Variants in MMS22L observed in about 807,000 individuals in gnomAD.
The protein encoded by MMS22L is protein MMS22-like.
MMS22L carries 74 observed loss-of-function variants against 159.1 expected under a neutral mutation model. That is an observed-to-expected ratio of 0.47 (90% CI 0.39 to 0.56). The LOEUF is 0.56. Ranked by LOEUF, MMS22L falls within the 20% of genes least tolerant of loss-of-function variation. The probability of loss-of-function intolerance (pLI) is 0.00; values close to 1 mark genes in which losing one functional copy is unlikely to be tolerated. For synonymous variants in MMS22L, 517 were observed against 506.9 expected (o/e 1.02, Z -0.27); for missense variants, 1,351 against 1,422.1 (o/e 0.95, Z 0.80).
At chr6:97,175,874 C>T (rs969959927) in intron 18 of MMS22L, among the ~76,000 whole-genome samples, 3 of 152,110 alleles carry the variant, frequency 2.0e-5, no homozygotes, top group African/African-American at 7.2e-5. Flanking sequence ...AAAATGTCTG[C>T]CAAATAGCCA....
chr6:97,171,217 A>C (rs1456607865), intron 19 of MMS22L, among the ~76,000 whole-genome samples: 1 of 152,176 alleles, frequency 6.6e-6, no homozygotes, highest in Non-Finnish European at 1.5e-5. Flanking sequence ...AATGGGAATA[A>C]AAAATTCAAG....
chr6:97,189,377 T>C (rs1805610281), intron 14 of MMS22L, among the ~76,000 whole-genome samples: 1 of 149,934 alleles, frequency 6.7e-6, no homozygotes, highest in Admixed American at 6.7e-5. Context: ...CTGGGCAACA[T>C]AGTGAAACCC....
At chr6:97,263,508 A>G (rs909345662) in intron 8 of MMS22L, 60 bp from the exon 9 acceptor site, 19 of 763,158 alleles carry the variant, frequency 2.5e-5, no homozygotes, top group Non-Finnish European at 3.1e-5. Context: ...TAAATGCCAT[A>G]TATCTTTCAA....
intron 14 of MMS22L, among the ~76,000 whole-genome samples, chr6:97,203,309 A>T (rs987796275): frequency 1.2e-4 from 18 of 150,160 alleles, no homozygotes; most frequent in South Asian, 4.2e-4. Context: ...TTATTTATTT[A>T]TTTTTTTTAC....
At position 97,251,605 on chromosome 6, in the gene MMS22L, CCTTTT is replaced by C. The variant is rs1328832642; in HGVS notation, c.1119+2947_1119+2951del. 5.3e-5 allele frequency among the ~76,000 whole-genome samples: 8 copies of C among 152,306 alleles called. 1 individual carries two copies. The South Asian group carries it at 1.2e-3, about 24-fold the overall frequency. On this transcript the variant is annotated intron_variant, in intron 10 of 24. Coordinates refer to ENST00000683635, the MANE Select transcript of MMS22L (RefSeq NM_001350599.2). ...ATCCTTTTTCTATTAATTATCACAGCCTTTTCTTTTAAAACCTTCTACATAAAATA... is the reference window on the plus strand; with the variant it reads ...ATCCTTTTTCTATTAATTATCACAGCCTTTTAAAACCTTCTACATAAAATA...
At chr6:97,175,005 G>A (rs1298396590) in intron 18 of MMS22L, among the ~76,000 whole-genome samples, 2 of 152,076 alleles carry the variant, frequency 1.3e-5, no homozygotes, top group Non-Finnish European at 2.9e-5. Flanking sequence ...CCCTTGACTA[G>A]ACGTTCTCAA....
chr6:97,243,560 A>G (rs2128033617), intron 11 of MMS22L, among the ~76,000 whole-genome samples: 1 of 152,142 alleles, frequency 6.6e-6, no homozygotes, highest in African/African-American at 2.4e-5. Flanking sequence ...TTAAGAATCG[A>G]CCTTTAGAAC....
intron 14 of MMS22L, among the ~76,000 whole-genome samples, chr6:97,198,354 T>A (rs940664814): frequency 6.6e-6 from 1 of 152,118 alleles, no homozygotes; most frequent in Admixed American, 6.6e-5. Flanking sequence ...GACATTGAAT[T>A]AGAGTTACTT....
At chr6:97,213,607 ATCT>A (rs1333373675) in intron 14 of MMS22L, among the ~76,000 whole-genome samples, 3 of 152,274 alleles carry the variant, frequency 2.0e-5, no homozygotes, top group African/African-American at 7.2e-5. Flanking sequence ...AATGAGTTTC[ATCT>A]TCTACTACAT....
chr6:97,282,528 T>G lies in MMS22L; in HGVS notation c.-51A>C, dbSNP rs1026349320. On this transcript the variant is annotated 5_prime_UTR_variant, in exon 2 of 25. Coordinates refer to ENST00000683635, the MANE Select transcript of MMS22L (RefSeq NM_001350599.2). ...TGGGGTTCGTCGTATCATTAAGGGCTCCAAAGAGAAGGTGTGAAGAGATTC... is the reference window on the plus strand; with the variant it reads ...TGGGGTTCGTCGTATCATTAAGGGCGCCAAAGAGAAGGTGTGAAGAGATTC... 9.6e-6 allele frequency: 8 copies of G among 835,698 alleles called. No individual in the cohort carries two copies. Among genetic ancestry groups the G allele is most frequent in the Non-Finnish European group, 1.3e-5 (8 of 606,212 alleles). 51.8% of individuals were successfully genotyped at this position (835,698 alleles called of 1,614,324 possible). A position where few individuals can be genotyped will look rare whatever the true frequency, so the allele number is the denominator to read the frequency against.
At position 97,282,371 on chromosome 6, in the gene MMS22L, C is replaced by T; in HGVS notation, c.107G>A (p.Arg36Lys). 1 of 1,614,182 alleles carries T rather than the reference C, an allele frequency of 6.2e-7. No homozygotes were observed. Among genetic ancestry groups the T allele is most frequent in the Admixed American group, 1.7e-5 (1 of 60,026 alleles). ...PPYFSCAVDN[R>K]GGGKHFSGES... is the part of the protein sequence containing the mutation. ...TCCAGAAAAATGTTTTCCTCCTCCT[C>T]TGTTGTCAACAGCACAAGAAAAGTA... Residue 36 changes from arginine (R) to lysine (K), a missense_variant, in exon 2 of 25, where the codon AGA (arginine) becomes AAA (lysine). Arg to Lys is a conservative substitution (Grantham distance 26). Coordinates refer to ENST00000683635, the MANE Select transcript of MMS22L (RefSeq NM_001350599.2).
At chr6:97,256,783 T>C (rs1813861781) in intron 9 of MMS22L, among the ~76,000 whole-genome samples, 1 of 152,032 alleles carries the variant, frequency 6.6e-6, no homozygotes, top group South Asian at 2.1e-4. Flanking sequence ...AGACCCTGTC[T>C]CTACAAAAAA....
chr6:97,216,072 C>G (rs1808980793), intron 14 of MMS22L, among the ~76,000 whole-genome samples: 1 of 152,144 alleles, frequency 6.6e-6, no homozygotes, highest in African/African-American at 2.4e-5. Context: ...ACAGCAGTTA[C>G]TCACCTTTTT....
At chr6:97,196,500 A>G (rs1480047242) in intron 14 of MMS22L, among the ~76,000 whole-genome samples, 2 of 152,186 alleles carry the variant, frequency 1.3e-5, no homozygotes, top group African/African-American at 4.8e-5. Context: ...CAATGTAACT[A>G]TACATTTGTA....
intron 20 of MMS22L, among the ~76,000 whole-genome samples, chr6:97,167,829 G>A (rs1302027318): frequency 6.6e-6 from 1 of 151,756 alleles, no homozygotes; most frequent in Non-Finnish European, 1.5e-5. Context: ...AAAATACTGA[G>A]CACACTACCA....
intron 14 of MMS22L, among the ~76,000 whole-genome samples, chr6:97,190,054 T>C (rs1006289367): frequency 1.3e-5 from 2 of 152,174 alleles, no homozygotes; most frequent in Non-Finnish European, 2.9e-5. Context: ...AATCACATGT[T>C]TGAACCAGAA....
intron 13 of MMS22L, chr6:97,230,781 T>C (rs1810774880): frequency 6.6e-6 from 1 of 152,146 alleles, no homozygotes; most frequent in South Asian, 2.1e-4. Flanking sequence ...ACAAATGAAA[T>C]ATCCAAACCA....
intron 13 of MMS22L, chr6:97,230,443 A>C (rs989354745): frequency 1.3e-5 from 2 of 152,048 alleles, no homozygotes; most frequent in Non-Finnish European, 2.9e-5. Flanking sequence ...TATTCAGGAC[A>C]GAAATGAGTA....
chr6:97,214,243 A>T (rs761415624), intron 14 of MMS22L, among the ~76,000 whole-genome samples: 7 of 152,224 alleles, frequency 4.6e-5, no homozygotes, highest in Non-Finnish European at 8.8e-5. Context: ...ACAGGAGCAC[A>T]TTCCCCACAG....
Sources: gnomAD v4.1 joint callset for allele counts (sites outside exome capture counted in the v4.1 genomes callset) on GRCh38, gnomAD v4.1.1 for gene constraint, MANE v1.5 for transcripts, NCBI Gene and HGNC (gene_info 2026-07-23, HGNC 2026-07-21) for gene names.